CELSR1: variants seen among roughly 807,000 people sequenced by gnomAD.
CELSR1 encodes the protein cadherin EGF LAG seven-pass G-type receptor 1.
A neutral mutation model predicts 249.1 loss-of-function variants in CELSR1; 110 were observed. The ratio of observed to expected loss-of-function variants is 0.44; its 90% CI spans 0.38 to 0.52. CELSR1 has a LOEUF of 0.52. CELSR1 is among the 20% of genes least tolerant of loss of function. CELSR1 has a pLI of 0.00. For synonymous variants in CELSR1, 2,113 were observed against 1,900.0 expected, an observed-to-expected ratio of 1.11 and a Z score of -2.92; for missense variants, 4,109 against 4,296.4, an observed-to-expected ratio of 0.96 and a Z score of 1.22.
Position 46,459,169 on chromosome 22 carries a change from T to C in CELSR1, c.4183+4538A>G, listed in dbSNP as rs191684405. 3.3e-5 allele frequency among the ~76,000 whole-genome samples: 5 copies of C among 152,306 alleles called. No individual in the cohort carries two copies. In the East Asian group the frequency reaches 9.7e-4, roughly 29 times the overall value. ...TCCCAAAGTGCTGGGATTACAGATG[T>C]GAGCCACCGTGCCCAGCCGGTTCCC... On this transcript the variant is annotated intron_variant, in intron 2 of 34. Transcript: ENST00000674500.
rs755813684 is a variant in CELSR1, at chr22:46,533,681, G to A, written c.3490C>T (p.Arg1164Cys). 2.2e-5 allele frequency: 36 copies of A among 1,608,672 alleles called. No homozygotes were observed. The highest frequency in any genetic ancestry group is 1.7e-4 in the South Asian group (15 of 90,820). Reference sequence around the variant, plus strand: ...AGCGGCCGGTTGTTGTCCAGGTCGCGGCTGAGCTGCAGTTCGCCCGTGGCG... The same window carrying A: ...AGCGGCCGGTTGTTGTCCAGGTCGCAGCTGAGCTGCAGTTCGCCCGTGGCG... The part of the protein sequence containing the change: ...DPATGELQLS[R>C]DLDNNRPLEA... The change falls in exon 1 of 35, where the codon CGC becomes TGC. Residue 1164 changes from arginine to cysteine, a missense_variant. Physicochemically the swap from Arg to Cys is radical, Grantham distance 180 (BLOSUM62 -3). This residue lies in a region of CELSR1 where 886 missense variants were observed against 896.5 expected (regional missense o/e 0.99). Coordinates refer to ENST00000674500, the MANE Select transcript of CELSR1 (RefSeq NM_001378328.1).
chr22:46,364,695 GGTCGGGCCAGCC>G lies in CELSR1; in HGVS notation c.8584_8595del (p.Gly2862_Asp2865del). The stretch of plus-strand genomic sequence containing the variant: ...TCACTGTCACTCTCAGCCAGGCTCT[GGTCGGGCCAGCC>G]GGCCGGAACGTGGTTGGCCACAGCG... On this transcript the variant is annotated inframe_deletion, in exon 33 of 35. Transcript: ENST00000674500. 1 of 1,612,540 alleles carries G rather than the reference GGTCGGGCCAGCC, an allele frequency of 6.2e-7. No homozygotes were observed. The highest frequency in any genetic ancestry group is 8.5e-7 in the Non-Finnish European group (1 of 1,179,874).
At position 46,445,972 on chromosome 22, in the gene CELSR1, G is replaced by A. The variant is rs12159573; in HGVS notation, c.4184-6561C>T. 0.041 allele frequency among the ~76,000 whole-genome samples: 6,166 copies of A among 152,040 alleles called. 434 individuals are homozygous for A. The highest frequency in any genetic ancestry group is 0.14 in the African/African-American group (5,740 of 41,428). On this transcript the variant is annotated intron_variant, in intron 2 of 34. Transcript: ENST00000674500. This position sits in a 1 kb window ranked among gnomAD's most constrained non-coding sequence, Gnocchi z 4.4. ...TCGCCTCGCGGCCCCTGCTCCTGCCGCACAGCCTCCAGACCTACTTGTCCC... is the reference window on the plus strand; with the variant it reads ...TCGCCTCGCGGCCCCTGCTCCTGCCACACAGCCTCCAGACCTACTTGTCCC...
At chr22:46,426,115 C>G (rs1461729408) in intron 5 of CELSR1, among the ~76,000 whole-genome samples, 1 of 90,700 alleles carries the variant, frequency 1.1e-5, no homozygotes, top group Non-Finnish European at 2.1e-5. Flanking sequence ...CTGAGTGAGG[C>G]AGAGCAGCAA....
chr22:46,488,989 G>A lies in CELSR1; in HGVS notation c.3545-24644C>T, dbSNP rs1229596247. On this transcript the variant is annotated intron_variant, in intron 1 of 34. Transcript: ENST00000674500. This position sits in a 1 kb window ranked among gnomAD's most constrained non-coding sequence, Gnocchi z 4.7. ...CTGCCCTTTTGAGCATGCAGCAGTT[G>A]GGGTCACCGTGGCAGTAAGGGACAT... Among the ~76,000 whole-genome samples the A allele has an allele frequency of 6.6e-6, 1 of 152,028 alleles. No homozygotes were observed. The highest frequency in any genetic ancestry group is 2.4e-5 in the African/African-American group (1 of 41,412).
chr22:46,454,958 G>A lies in CELSR1; in HGVS notation c.4183+8749C>T, dbSNP rs147822192. 1.3e-3 allele frequency among the ~76,000 whole-genome samples: 205 copies of A among 152,344 alleles called. No homozygotes were observed. The highest frequency in any genetic ancestry group is 2.1e-3 in the Admixed American group (32 of 15,312). On this transcript the variant is annotated intron_variant, in intron 2 of 34. Transcript: ENST00000674500. The surrounding 1 kb of genome is among the most constrained non-coding windows in gnomAD (Gnocchi z 5.1). ...GTCTTTGTAGAGGTAATCGACTTAGGATGAGATCATTAGGGTGGGTCCTAA... is the reference window on the plus strand; with the variant it reads ...GTCTTTGTAGAGGTAATCGACTTAGAATGAGATCATTAGGGTGGGTCCTAA...
Position 46,411,639 on chromosome 22 carries a change from T to C in CELSR1, c.4732A>G (p.Ser1578Gly). ...GTCTGAGTGCCCTGGGCAGCGCAGC[T>C]GTAGTTCCCGATGTCCTTTCCAAAG... Reference protein sequence around the residue: ...VRFGKDIGNYSCAAQGTQTGS... With the variant: ...VRFGKDIGNYGCAAQGTQTGS... Residue 1578 changes from serine (S) to glycine (G), a missense_variant, in exon 6 of 35, where the codon AGC becomes GGC. By Grantham distance (56) the Ser-to-Gly change is moderately conservative. Around this residue, in one of 7 missense-constraint regions of CELSR1, gnomAD observed 453 missense variants for 492.0 expected, o/e 0.92. Transcript: ENST00000674500. This position sits in a 1 kb window ranked among gnomAD's most constrained non-coding sequence, Gnocchi z 4.2. The C allele has an allele frequency of 6.2e-7, 1 of 1,614,202 alleles. No individual in the cohort carries two copies. The highest frequency in any genetic ancestry group is 8.5e-7 in the Non-Finnish European group (1 of 1,180,030).
In CELSR1 at chr22:46,408,692, C is replaced by A. The variant is rs1332279178; in HGVS notation, c.5226+304G>T. Among the ~76,000 whole-genome samples the A allele has an allele frequency of 2.0e-5, 3 of 152,202 alleles. No homozygotes were observed. The highest frequency in any genetic ancestry group is 1.3e-4 in the Admixed American group (2 of 15,286). On this transcript the variant is annotated intron_variant, in intron 9 of 34. Transcript: ENST00000674500. This position sits in a 1 kb window ranked among gnomAD's most constrained non-coding sequence, Gnocchi z 4.6. ...ACTGTTTCCGCCTGAAGGCTCGGCA[C>A]CTCCCTCAGTTCTGCAATGCCCACG...
chr22:46,453,654 G>C (rs1356266686), intron 2 of CELSR1, among the ~76,000 whole-genome samples: 1 of 152,196 alleles, frequency 6.6e-6, no homozygotes, highest in Non-Finnish European at 1.5e-5. Flanking sequence ...CTGACCGGAA[G>C]CGGGTGAGAG....
chr22:46,448,464 G>C lies in CELSR1; in HGVS notation c.4184-9053C>G. On this transcript the variant is annotated intron_variant, in intron 2 of 34. Transcript: ENST00000674500. The surrounding 1 kb of genome is among the most constrained non-coding windows in gnomAD (Gnocchi z 5.7). ...ACCTCAGGACCTGGGGGAGGGCTGGGAACGCGCTGGGAACGTGCCCCAGGA... is the reference window on the plus strand; with the variant it reads ...ACCTCAGGACCTGGGGGAGGGCTGGCAACGCGCTGGGAACGTGCCCCAGGA... 1 of 350,984 alleles carries C rather than the reference G, an allele frequency of 2.8e-6. No homozygotes were observed. The highest frequency in any genetic ancestry group is 5.6e-6 in the Non-Finnish European group (1 of 178,186). 21.7% of individuals were successfully genotyped at this position (350,984 alleles called of 1,614,324 possible). A position where few individuals can be genotyped will look rare whatever the true frequency, so the allele number is the denominator to read the frequency against.
In CELSR1 at chr22:46,399,151, T is replaced by C. The variant is rs894275846; in HGVS notation, c.5413-514A>G. 6.6e-6 allele frequency among the ~76,000 whole-genome samples: 1 copy of C among 152,154 alleles called. No homozygotes were observed. Among genetic ancestry groups the C allele is most frequent in the Non-Finnish European group, 1.5e-5 (1 of 68,018 alleles). On this transcript the variant is annotated intron_variant, in intron 10 of 34. Coordinates refer to ENST00000674500, the MANE Select transcript of CELSR1 (RefSeq NM_001378328.1). The surrounding 1 kb of genome is among the most constrained non-coding windows in gnomAD (Gnocchi z 5.0). Reference sequence around the variant, plus strand: ...TGGAGATCCCAGGTCGCCCCTTAAGTGTGTGGGCATTTCACAGACAACATC... The same window carrying C: ...TGGAGATCCCAGGTCGCCCCTTAAGCGTGTGGGCATTTCACAGACAACATC...
At chr22:46,481,437 C>A in intron 1 of CELSR1, 1 of 1,573,382 alleles carries the variant, frequency 6.4e-7, no homozygotes, top group Non-Finnish European at 8.7e-7. Flanking sequence ...TCTGCTTCAA[C>A]TGAAGCTCCT....
At position 46,412,389 on chromosome 22, in the gene CELSR1, C is replaced by T. The variant is rs867961291; in HGVS notation, c.4612-630G>A. Among the ~76,000 whole-genome samples the T allele has an allele frequency of 2.5e-4, 38 of 152,314 alleles. No individual in the cohort carries two copies. Among genetic ancestry groups the T allele is most frequent in the Admixed American group, 1.6e-3 (25 of 15,304 alleles). On this transcript the variant is annotated intron_variant, in intron 5 of 34. Coordinates refer to ENST00000674500, the MANE Select transcript of CELSR1 (RefSeq NM_001378328.1). The surrounding 1 kb of genome is among the most constrained non-coding windows in gnomAD (Gnocchi z 4.5). ...CCCCTCCTGTGAACACCCGCTTCTG[C>T]TCTTCTGGGGGTGTCCTCCTGACCA...
chr22:46,478,069 G>A lies in CELSR1; in HGVS notation c.3545-13724C>T, dbSNP rs186197846. Among the ~76,000 whole-genome samples the A allele has an allele frequency of 2.6e-3, 390 of 152,256 alleles. 2 individuals carry two copies. Among genetic ancestry groups the A allele is most frequent in the African/African-American group, 8.9e-3 (369 of 41,554 alleles). On this transcript the variant is annotated intron_variant, in intron 1 of 34. Coordinates refer to ENST00000674500, the MANE Select transcript of CELSR1 (RefSeq NM_001378328.1). ...CACACCAGCTGAAAACCCAGCCCTC[G>A]GAAATGATCACCCAAACCTCTGGAC...
At chr22:46,524,556 G>C (rs1214230721) in intron 1 of CELSR1, among the ~76,000 whole-genome samples, 10 of 121,154 alleles carry the variant, frequency 8.3e-5, no homozygotes, top group Admixed American at 4.6e-4. Flanking sequence ...GTGTGTGTGT[G>C]TGTGTGTGTG....
chr22:46,396,595 C>A lies in CELSR1; in HGVS notation c.5843+10G>T. The A allele has an allele frequency of 6.4e-7, 1 of 1,554,110 alleles. No homozygotes were observed. Among genetic ancestry groups the A allele is most frequent in the Admixed American group, 2.0e-5 (1 of 51,164 alleles). On this transcript the variant is annotated intron_variant, in intron 13 of 34. Transcript: ENST00000674500. This position sits in a 1 kb window ranked among gnomAD's most constrained non-coding sequence, Gnocchi z 6.4. ...TGAAGGTGCAGGGAGGCACCAGGGG[C>A]TGCTCTTACTTGTTCTCACAGTACG...
Position 46,535,175 on chromosome 22 carries a change from G to A in CELSR1, c.1996C>T (p.Pro666Ser). 1 of 1,609,442 alleles carries A rather than the reference G, an allele frequency of 6.2e-7. No individual in the cohort carries two copies. Among genetic ancestry groups the A allele is most frequent in the Non-Finnish European group, 8.5e-7 (1 of 1,179,690 alleles). Residue 666 changes from proline (P) to serine (S), a missense_variant, in exon 1 of 35, where the codon CCC becomes TCC. Coordinates refer to ENST00000674500, the MANE Select transcript of CELSR1 (RefSeq NM_001378328.1). The part of the protein sequence containing the change: ...GVEAVDHGSP[P>S]MSSSTSVSIT... ...GACACGCTGGTGGAGGAGCTCATGGGGGGCGAGCCGTGGTCCACCGCCTCC... is the reference window on the plus strand; with the variant it reads ...GACACGCTGGTGGAGGAGCTCATGGAGGGCGAGCCGTGGTCCACCGCCTCC...
At chr22:46,367,649 G>A (rs1357686720) in intron 28 of CELSR1, 80 bp downstream of exon 28, 3 of 1,528,384 alleles carry the variant, frequency 2.0e-6, no homozygotes, top group Admixed American at 4.0e-5. Flanking sequence ...GGACCGCAGA[G>A]GCCTCCACTG....
chr22:46,435,857 C>T (rs1427589819), intron 4 of CELSR1, among the ~76,000 whole-genome samples: 3 of 152,126 alleles, frequency 2.0e-5, no homozygotes, highest in East Asian at 3.9e-4. Context: ...TGCACCACCA[C>T]GCCCAGCTAA....
Sources: allele counts gnomAD v4.1 joint callset (sites outside exome capture counted in the v4.1 genomes callset), GRCh38; gene constraint gnomAD v4.1.1; regional missense constraint gnomAD v4.1.1; non-coding constraint Gnocchi (gnomAD v3.1); transcripts MANE v1.5; gene names NCBI Gene and HGNC (gene_info 2026-07-23, HGNC 2026-07-21).